Variants in FRMD4A observed in about 807,000 individuals in gnomAD.
The protein encoded by FRMD4A is FERM domain-containing protein 4A.
Under a neutral mutation model 129.1 loss-of-function variants are expected in FRMD4A, and 29 were observed. That is an observed-to-expected ratio of 0.22 (90% confidence interval 0.17 to 0.31). FRMD4A has a LOEUF of 0.31. Among genes scored for constraint, FRMD4A ranks in the 10% least tolerant of loss-of-function variants. The probability of loss-of-function intolerance (pLI) is 1.00; values close to 1 mark genes in which losing one functional copy is unlikely to be tolerated. For synonymous variants in FRMD4A, 634 were observed against 571.6 expected (o/e 1.11, Z -1.56); for missense variants, 1,272 against 1,375.8 (o/e 0.92, Z 1.19).
intron 12 of FRMD4A, among the ~76,000 whole-genome samples, chr10:13,725,638 T>C (rs1337423651): frequency 6.6e-6 from 1 of 152,142 alleles, no homozygotes; most frequent in African/African-American, 2.4e-5. Flanking sequence ...GCTGGTGCCC[T>C]TGGGAGCTTG....
At chr10:14,117,533 A>T (rs1838260488) in intron 2 of FRMD4A, among the ~76,000 whole-genome samples, 1 of 152,200 alleles carries the variant, frequency 6.6e-6, no homozygotes, top group Non-Finnish European at 1.5e-5. Flanking sequence ...AGCCTGCTTC[A>T]TTGAGCTCAG....
intron 2 of FRMD4A, chr10:13,890,770 T>G: frequency 1.0e-6 from 1 of 985,356 alleles, no homozygotes; most frequent in Non-Finnish European, 1.2e-6. Flanking sequence ...GGTTCTCGTT[T>G]CTCAGCAAGC....
intron 2 of FRMD4A, among the ~76,000 whole-genome samples, chr10:13,953,445 GA>G (rs2095387366): frequency 6.6e-6 from 1 of 152,142 alleles, no homozygotes; most frequent in African/African-American, 2.4e-5. Flanking sequence ...GGAAATTCCA[GA>G]AATAAGAATT....
intron 2 of FRMD4A, among the ~76,000 whole-genome samples, chr10:13,871,753 G>C (rs2131086583): frequency 6.6e-6 from 1 of 152,330 alleles, no homozygotes; most frequent in East Asian, 1.9e-4. Flanking sequence ...AGACTCAGTG[G>C]ACTGCTGGGG....
chr10:14,033,028 T>G (rs925830032), intron 2 of FRMD4A, among the ~76,000 whole-genome samples: 1 of 152,216 alleles, frequency 6.6e-6, no homozygotes, highest in African/African-American at 2.4e-5. Context: ...TTGTATTGGC[T>G]GGGCGCGGTG....
At chr10:13,796,379 C>T (rs570423786) in intron 5 of FRMD4A, 117 bp downstream of exon 5, 1 of 693,968 alleles carries the variant, frequency 1.4e-6, no homozygotes, top group Admixed American at 2.0e-5. Context: ...CAACCTTTAT[C>T]CCTGGCAATG....
intron 2 of FRMD4A, among the ~76,000 whole-genome samples, chr10:13,951,365 G>C (rs1457485316): frequency 6.6e-6 from 1 of 152,118 alleles, no homozygotes; most frequent in Non-Finnish European, 1.5e-5. Flanking sequence ...GCAGGCTTGA[G>C]AGAACGTATT....
intron 2 of FRMD4A, among the ~76,000 whole-genome samples, chr10:14,289,592 A>T (rs940032481): frequency 6.6e-6 from 1 of 152,114 alleles, no homozygotes; most frequent in Non-Finnish European, 1.5e-5. Context: ...CCTTTTTACA[A>T]CAAACTAAGT....
intron 2 of FRMD4A, chr10:14,083,859 C>G (rs1033309476): frequency 6.6e-6 from 1 of 152,178 alleles, no homozygotes; most frequent in Non-Finnish European, 1.5e-5. Flanking sequence ...GACACCTTCT[C>G]CCCACCTTCG....
intron 2 of FRMD4A, among the ~76,000 whole-genome samples, chr10:14,014,194 T>C (rs549772571): frequency 8.2e-4 from 125 of 152,186 alleles, no homozygotes; most frequent in Non-Finnish European, 1.4e-3. Flanking sequence ...TTGATGGAAG[T>C]TGGTGTTGTA....
rs1216654481 is a variant in FRMD4A at position 13,644,280 on chromosome 10, T to C, written c.*2758A>G. On this transcript the variant is annotated 3_prime_UTR_variant, in exon 25 of 25. Transcript: ENST00000357447. ...TTTATATCAGACCAAGGACTTCGTA[T>C]TTCACCTTATTTTGTTTTAAAGAAA... 2.0e-5 allele frequency: 3 copies of C among 152,226 alleles called. No homozygotes were observed. Among genetic ancestry groups the C allele is most frequent in the Non-Finnish European group, 2.9e-5 (2 of 68,044 alleles). The allele number at this position is 152,226 out of a possible 1,614,324, so 9.4% of individuals were successfully genotyped here. A position where few individuals can be genotyped will look rare whatever the true frequency, so the allele number is the denominator to read the frequency against.
At chr10:13,706,329 G>A (rs2087432258) in intron 13 of FRMD4A, among the ~76,000 whole-genome samples, 4 of 152,152 alleles carry the variant, frequency 2.6e-5, no homozygotes, top group Admixed American at 1.3e-4. Flanking sequence ...CAGACAAAGA[G>A]AGGAAAACAG....
intron 2 of FRMD4A, among the ~76,000 whole-genome samples, chr10:13,943,645 TCAAAAA>T (rs2095309616): frequency 6.4e-5 from 1 of 15,664 alleles, no homozygotes; most frequent in African/African-American, 2.7e-4. Context: ...AGACTCTGTC[TCAAAAA>T]AAAAAAAAAA....
chr10:13,953,278 C>T (rs1405578342), intron 2 of FRMD4A, among the ~76,000 whole-genome samples: 4 of 152,146 alleles, frequency 2.6e-5, no homozygotes, highest in Non-Finnish European at 5.9e-5. Context: ...AACATTTTCC[C>T]ATAACATCTA....
rs191185997 is a variant in FRMD4A at position 14,282,599 on chromosome 10, G to A, written c.45+47459C>T. Among the ~76,000 whole-genome samples, 614 of 146,512 alleles carry A rather than the reference G, an allele frequency of 4.2e-3. 6 individuals carry two copies. Among genetic ancestry groups the A allele is most frequent in the Middle Eastern group, 0.017 (5 of 288 alleles). ...CTTTTCAGTTACCCTCACTGCTAAC[G>A]GGAGCCAACCACACTCTGAAAAAGT... On this transcript the variant is annotated intron_variant, in intron 2 of 24. Transcript: ENST00000357447.
At chr10:13,939,982 T>C (rs75532044) in intron 2 of FRMD4A, among the ~76,000 whole-genome samples, 88 of 152,276 alleles carry the variant, frequency 5.8e-4, no homozygotes, top group Admixed American at 9.8e-4. Flanking sequence ...ACAGCGCAGC[T>C]CTTTGATTGA....
chr10:14,164,257 C>T (rs1199923642), intron 2 of FRMD4A, among the ~76,000 whole-genome samples: 5 of 152,338 alleles, frequency 3.3e-5, no homozygotes, highest in Non-Finnish European at 7.3e-5. Context: ...AAAGCCTTCA[C>T]TGTTGAGAAA....
Position 13,659,424 on chromosome 10 carries a change from C to T in FRMD4A, c.1965G>A (p.Gln655=). 1 of 1,614,020 alleles carries T rather than the reference C, an allele frequency of 6.2e-7. No homozygotes were observed. Among genetic ancestry groups the T allele is most frequent in the South Asian group, 1.1e-5 (1 of 91,068 alleles). The change falls in exon 21 of 25, where the codon CAG becomes CAA. Residue 655 remains glutamine (Q), a synonymous_variant. Transcript: ENST00000357447. ...GCGGGAGGCCGCGGATGGGGCTGTT[C>T]TGCAAGGAGTTGCTTCCTCCGCCGG... ...AEAGGGSNSL[Q]NSPIRGLPHW...
intron 4 of FRMD4A, among the ~76,000 whole-genome samples, chr10:13,809,769 C>T (rs1480303391): frequency 6.6e-6 from 1 of 152,222 alleles, no homozygotes; most frequent in African/African-American, 2.4e-5. Context: ...TACAGGGTGA[C>T]CAGATGGTCC....
Sources: gnomAD v4.1 joint callset for allele counts (sites outside exome capture counted in the v4.1 genomes callset) on GRCh38, gnomAD v4.1.1 for gene constraint, MANE v1.5 for transcripts, NCBI Gene and HGNC (gene_info 2026-07-23, HGNC 2026-07-21) for gene names.